The following SLC38A12 variants were observed in gnomAD, a reference collection of about 807,000 sequenced individuals.
SLC38A12 encodes the protein solute carrier family 38 member 12.
At chr17:74,787,138 T>C in the SLC38A12 span, among the ~76,000 whole-genome samples, 85 of 152,196 alleles carry the variant, frequency 5.6e-4, 1 homozygote, top group Non-Finnish European at 4.4e-4. Context: ...CTGAGGCGAT[T>C]GGAATGGGGG....
the SLC38A12 span, chr17:74,777,501 G>A: frequency 6.4e-7 from 1 of 1,556,168 alleles, no homozygotes; most frequent in Non-Finnish European, 8.7e-7. Flanking sequence ...AAGCAGGATG[G>A]GGGAGTTCCA....
the SLC38A12 span, among the ~76,000 whole-genome samples, chr17:74,803,902 AT>A: frequency 6.6e-6 from 1 of 152,096 alleles, no homozygotes; most frequent in Non-Finnish European, 1.5e-5. Flanking sequence ...CACCTTTTTT[AT>A]TTTTTATTTT....
At chr17:74,795,545 C>T in the SLC38A12 span, 1 of 1,614,140 alleles carries the variant, frequency 6.2e-7, no homozygotes. Flanking sequence ...GCAATGACTC[C>T]TGCGGTGTGG....
chr17:74,778,271 G>A, the SLC38A12 span, among the ~76,000 whole-genome samples: 3 of 152,170 alleles, frequency 2.0e-5, no homozygotes, highest in Non-Finnish European at 2.9e-5. Flanking sequence ...ACATCACAGG[G>A]CCCTCTTGCC....
the SLC38A12 span, among the ~76,000 whole-genome samples, chr17:74,817,547 CACTT>C: frequency 2.1e-4 from 32 of 152,146 alleles, 1 homozygote; most frequent in Admixed American, 2.1e-3. Flanking sequence ...TCACACATAC[CACTT>C]ACAATACCTT....
chr17:74,822,142 G>A, the SLC38A12 span, among the ~76,000 whole-genome samples: 3 of 152,180 alleles, frequency 2.0e-5, no homozygotes. Flanking sequence ...CAAATAAAGA[G>A]CGATTGTCTC....
At chr17:74,781,055 G>A in the SLC38A12 span, among the ~76,000 whole-genome samples, 1 of 152,150 alleles carries the variant, frequency 6.6e-6, no homozygotes, top group Admixed American at 6.5e-5. Flanking sequence ...TTGGAGAGAG[G>A]TTGTTACCGG....
chr17:74,798,478 G>C, the SLC38A12 span, among the ~76,000 whole-genome samples: 1 of 152,208 alleles, frequency 6.6e-6, no homozygotes, highest in Non-Finnish European at 1.5e-5. Flanking sequence ...CCCACTCCTT[G>C]TGCCTGACGA....
the SLC38A12 span, chr17:74,836,842 C>T: frequency 7.1e-7 from 1 of 1,399,934 alleles, no homozygotes; most frequent in African/African-American, 1.6e-5. This position sits in a 1 kb window ranked among gnomAD's most constrained non-coding sequence, Gnocchi z 4.2. Context: ...TTGTTCTCCC[C>T]ACCCACCTTC....
the SLC38A12 span, among the ~76,000 whole-genome samples, chr17:74,788,576 C>G: frequency 6.6e-6 from 1 of 152,254 alleles, no homozygotes; most frequent in Non-Finnish European, 1.5e-5. Flanking sequence ...ACACCTCTCT[C>G]TCTCGTGCAC....
the SLC38A12 span, among the ~76,000 whole-genome samples, chr17:74,796,066 G>A: frequency 6.6e-6 from 1 of 152,158 alleles, no homozygotes; most frequent in African/African-American, 2.4e-5. Context: ...CTCCAGTTAG[G>A]GAAGGGTCAG....
At chr17:74,839,190 G>A in the SLC38A12 span, 1 of 1,486,408 alleles carries the variant, frequency 6.7e-7, no homozygotes. Flanking sequence ...GCGGATGGCA[G>A]GTGATAGACT....
the SLC38A12 span, among the ~76,000 whole-genome samples, chr17:74,786,716 AG>A: frequency 6.6e-6 from 1 of 152,192 alleles, no homozygotes; most frequent in Non-Finnish European, 1.5e-5. Flanking sequence ...TGAATGGGAT[AG>A]GAAAACGCCC....
chr17:74,785,022 C>T, the SLC38A12 span, among the ~76,000 whole-genome samples: 1 of 152,100 alleles, frequency 6.6e-6, no homozygotes, highest in African/African-American at 2.4e-5. Flanking sequence ...CATGAATATC[C>T]GTGTCCCAAA....
the SLC38A12 span, chr17:74,785,535 G>A: frequency 6.2e-7 from 1 of 1,614,158 alleles, no homozygotes; most frequent in Non-Finnish European, 8.5e-7. Flanking sequence ...CACTCACCAT[G>A]CCCAAGGCAT....
At chr17:74,787,351 G>A in the SLC38A12 span, among the ~76,000 whole-genome samples, 6 of 140,694 alleles carry the variant, frequency 4.3e-5, no homozygotes, top group Non-Finnish European at 6.4e-5. Context: ...GGCCGGGCGC[G>A]GTGGCTCACA....
chr17:74,795,126 G>GA, the SLC38A12 span: 1 of 1,611,534 alleles, frequency 6.2e-7, no homozygotes, highest in Non-Finnish European at 8.5e-7. Context: ...GTACCCTCCT[G>GA]GCCCCCAGGT....
the SLC38A12 span, among the ~76,000 whole-genome samples, chr17:74,779,809 G>A: frequency 1.1e-4 from 17 of 152,194 alleles, no homozygotes; most frequent in African/African-American, 4.1e-4. Context: ...CATTCATTTT[G>A]AGTTCTTTTC....
At chr17:74,820,067 T>C in the SLC38A12 span, among the ~76,000 whole-genome samples, 1 of 152,178 alleles carries the variant, frequency 6.6e-6, no homozygotes, top group Non-Finnish European at 1.5e-5. Flanking sequence ...AACAAGATGA[T>C]TGTTTCGAGG....
Sources: gnomAD v4.1 joint callset for allele counts (sites outside exome capture counted in the v4.1 genomes callset) on GRCh38, gnomAD v4.1.1 for gene constraint, Gnocchi (gnomAD v3.1) non-coding constraint, MANE v1.5 for transcripts, NCBI Gene and HGNC (gene_info 2026-07-23, HGNC 2026-07-21) for gene names.